The following MAPRE2 variants were observed in gnomAD, a reference collection of about 807,000 sequenced individuals.
MAPRE2 encodes the protein microtubule-associated protein RP/EB family member 2.
Under a neutral mutation model 43.2 loss-of-function variants are expected in MAPRE2, and 13 were observed. The ratio of observed to expected loss-of-function variants is 0.30; its 90% CI spans 0.20 to 0.48. The LOEUF (loss-of-function observed/expected upper bound fraction) is 0.48. Among genes scored for constraint, MAPRE2 ranks in the 20% least tolerant of loss-of-function variants. MAPRE2 has a pLI of 0.99. For synonymous variants in MAPRE2, 135 were observed against 148.8 expected, an observed-to-expected ratio of 0.91 and a Z score of 0.68; for missense variants, 161 against 400.2, an observed-to-expected ratio of 0.40 and a Z score of 5.10.
chr18:35,095,570 A>G (rs1250097199), intron 2 of MAPRE2, among the ~76,000 whole-genome samples: 1 of 150,662 alleles, frequency 6.6e-6, no homozygotes, highest in African/African-American at 2.5e-5. Flanking sequence ...AATCTGAAAC[A>G]TGAGGAATTT....
rs868063800 is a variant in MAPRE2, at chr18:34,998,171, C to T, written c.-69-7321C>T. ...AGATTCCTTTGTAAGGCAGACCCCA[C>T]AGCAGGGAGCCCAAGAGCAAGGCTG... On this transcript the variant is annotated intron_variant, in intron 1 of 7. Transcript: ENST00000413393. Among the ~76,000 whole-genome samples the T allele has an allele frequency of 2.6e-5, 4 of 152,134 alleles. No homozygotes were observed. In the East Asian group the frequency reaches 5.8e-4, roughly 22 times the overall value.
intron 2 of MAPRE2, among the ~76,000 whole-genome samples, chr18:35,011,213 C>A (rs1202640464): frequency 6.6e-6 from 1 of 152,094 alleles, no homozygotes; most frequent in African/African-American, 2.4e-5. Context: ...AACAGCTAAG[C>A]CAGAACTGGT....
intron 1 of MAPRE2, among the ~76,000 whole-genome samples, chr18:34,980,204 T>C (rs1220947959): frequency 7.2e-5 from 11 of 151,914 alleles, no homozygotes; most frequent in Admixed American, 7.2e-4. Context: ...TTTTGTATTT[T>C]TATAGAGATG....
intron 2 of MAPRE2, among the ~76,000 whole-genome samples, chr18:35,019,294 T>C (rs1439992254): frequency 1.3e-5 from 2 of 152,176 alleles, no homozygotes; most frequent in East Asian, 3.9e-4. Flanking sequence ...GAGAAGAATG[T>C]ATATTCTGTG....
At chr18:35,135,194 A>T (rs890181252) in intron 6 of MAPRE2, among the ~76,000 whole-genome samples, 3 of 152,348 alleles carry the variant, frequency 2.0e-5, no homozygotes, top group African/African-American at 7.2e-5. Flanking sequence ...TACAGAGAGT[A>T]AGCCGTTTGA....
intron 2 of MAPRE2, among the ~76,000 whole-genome samples, chr18:35,012,156 G>A (rs949076263): frequency 3.9e-5 from 6 of 152,134 alleles, no homozygotes; most frequent in East Asian, 3.9e-4. Context: ...CATTGTAAAC[G>A]TGAGGACAAG....
In MAPRE2 at chr18:35,113,232, T is replaced by C. The variant is rs555744247; in HGVS notation, c.610+11073T>C. ...ACTGAATATTTCTGAATTTAAACTA[T>C]TGAGCAGAGAGAAGAGCAGAAAATT... On this transcript the variant is annotated intron_variant, in intron 4 of 6. Transcript: ENST00000300249. Among the ~76,000 whole-genome samples, 8 of 152,310 alleles carry C rather than the reference T, an allele frequency of 5.3e-5. No individual in the cohort carries two copies. The South Asian group carries it at 1.7e-3, about 32-fold the overall frequency.
chr18:35,102,994 T>A (rs1423996617), intron 4 of MAPRE2, among the ~76,000 whole-genome samples: 1 of 151,918 alleles, frequency 6.6e-6, no homozygotes, highest in Non-Finnish European at 1.5e-5. Context: ...AACTACAATC[T>A]GAATGAAGTA....
chr18:35,045,994 G>C (rs1366025272), intron 1 of MAPRE2, among the ~76,000 whole-genome samples: 2 of 152,150 alleles, frequency 1.3e-5, no homozygotes, highest in Non-Finnish European at 2.9e-5. Context: ...CTCCTGCTCT[G>C]TAGCTGGTAT....
At chr18:35,107,507 A>T (rs959469512) in intron 4 of MAPRE2, among the ~76,000 whole-genome samples, 1 of 152,160 alleles carries the variant, frequency 6.6e-6, no homozygotes, top group Non-Finnish European at 1.5e-5. Context: ...GGAAATAAGA[A>T]TTGCTTTACT....
chr18:34,977,218 C>T, intron 1 of MAPRE2: 1 of 152,744 alleles, frequency 6.5e-6, no homozygotes. Context: ...TCGGAGCAAC[C>T]GGAACCGGGG....
intron 4 of MAPRE2, among the ~76,000 whole-genome samples, chr18:35,117,401 G>T (rs2144216318): frequency 6.6e-6 from 1 of 152,348 alleles, no homozygotes; most frequent in South Asian, 2.1e-4. Flanking sequence ...CACTGGTCTT[G>T]CTAGTTATTG....
intron 4 of MAPRE2, among the ~76,000 whole-genome samples, chr18:35,108,009 TTC>T: frequency 6.6e-6 from 1 of 151,826 alleles, no homozygotes; most frequent in Non-Finnish European, 1.5e-5. Flanking sequence ...TTTTGTCTTC[TTC>T]TAAAAAAAAA....
intron 1 of MAPRE2, among the ~76,000 whole-genome samples, chr18:34,993,870 C>T (rs536170065): frequency 1.1e-3 from 162 of 152,200 alleles, no homozygotes; most frequent in Admixed American, 2.9e-3. Flanking sequence ...GAAATATATG[C>T]CCTTCATTAT....
chr18:35,001,896 G>T lies in MAPRE2; in HGVS notation c.-69-3596G>T, dbSNP rs115625116. Reference sequence around the variant, plus strand: ...ATATATATTTTGAGATGATTGTACAGTAAGATGTAATTGTAAGAAATAATA... The same window carrying T: ...ATATATATTTTGAGATGATTGTACATTAAGATGTAATTGTAAGAAATAATA... On this transcript the variant is annotated intron_variant, in intron 1 of 7. Coordinates refer to the MAPRE2 transcript ENST00000413393. 7.4e-3 allele frequency among the ~76,000 whole-genome samples: 1,125 copies of T among 152,254 alleles called. 10 individuals carry two copies. The highest frequency in any genetic ancestry group is 0.025 in the African/African-American group (1,026 of 41,526).
Position 35,141,442 on chromosome 18 carries a change from T to C in MAPRE2, c.*1073T>C, listed in dbSNP as rs1910631572. 6.6e-6 allele frequency: 1 copy of C among 152,180 alleles called. No individual in the cohort carries two copies. The highest frequency in any genetic ancestry group is 1.5e-5 in the Non-Finnish European group (1 of 68,002). 9.4% of individuals were successfully genotyped at this position (152,180 alleles called of 1,614,324 possible). A position where few individuals can be genotyped will look rare whatever the true frequency, so the allele number is the denominator to read the frequency against. On this transcript the variant is annotated 3_prime_UTR_variant, in exon 7 of 7. Transcript: ENST00000300249. ...AGAATCATGGTTCTGCAGTCTGGTG[T>C]AGACACTGGAATAACAGCACAGAAA... is the stretch of plus-strand genomic sequence containing the variant.
chr18:35,135,296 G>A (rs1433323973), intron 6 of MAPRE2, among the ~76,000 whole-genome samples: 1 of 152,172 alleles, frequency 6.6e-6, no homozygotes, highest in African/African-American at 2.4e-5. Context: ...GAAGGCTGCA[G>A]TGGGCCTGGA....
chr18:35,098,076 G>A (rs1020429761), intron 3 of MAPRE2, among the ~76,000 whole-genome samples: 15 of 152,060 alleles, frequency 9.9e-5, no homozygotes, highest in African/African-American at 2.2e-4. Flanking sequence ...AGCAGTGTCC[G>A]GTATAGTGTG....
At chr18:35,043,651 T>C (rs1261158462) in intron 1 of MAPRE2, among the ~76,000 whole-genome samples, 1 of 152,210 alleles carries the variant, frequency 6.6e-6, no homozygotes, top group Non-Finnish European at 1.5e-5. Context: ...ACTGAACAAA[T>C]TCTTAAGTCC....
Sources: allele counts gnomAD v4.1 joint callset (sites outside exome capture counted in the v4.1 genomes callset), GRCh38; gene constraint gnomAD v4.1.1; transcripts MANE v1.5; gene names NCBI Gene and HGNC (gene_info 2026-07-23, HGNC 2026-07-21).